Variants in HEXD observed in about 807,000 individuals in gnomAD.
HEXD encodes hexosaminidase D, also known as N-acetyl-beta-galactosaminidase.
In HEXD, 47 loss-of-function variants were observed where a neutral mutation model predicts 54.2. The observed-to-expected ratio is 0.87, with a 90% CI of 0.69 to 1.11. The LOEUF is 1.11. Ranked by LOEUF, HEXD falls within the 50% of genes least tolerant of loss-of-function variation. The probability of loss-of-function intolerance (pLI) is 0.00; values close to 1 mark genes in which losing one functional copy is unlikely to be tolerated. For missense variants in HEXD, 576 were observed against 649.2 expected (o/e 0.89, Z 1.23); for synonymous variants, 293 against 287.6 (o/e 1.02, Z -0.19).
chr17:82,424,462 C>CGAGG lies in HEXD; in HGVS notation c.155_158dup (p.Pro54GlyfsTer16). ...TTGAGTATGAAGACATGTTTCCCTA[C>CGAGG]GAGGGCCCTCTGAGGCTGCTGAGGG... On this transcript the variant is annotated frameshift_variant, in exon 3 of 13. Transcript: ENST00000327949. LOFTEE classifies it high-confidence loss of function. The CGAGG allele has an allele frequency of 6.2e-7, 1 of 1,613,994 alleles. No homozygotes were observed. Among genetic ancestry groups the CGAGG allele is most frequent in the South Asian group, 1.1e-5 (1 of 91,080 alleles).
intron 6 of HEXD, 100 bp downstream of exon 6, chr17:82,435,972 G>T: frequency 8.2e-7 from 1 of 1,219,478 alleles, no homozygotes; most frequent in Non-Finnish European, 1.1e-6. Context: ...CCCAGGGTGA[G>T]CCCCAGCCCC....
chr17:82,419,719 C>G, intron 1 of HEXD, 30 bp from the exon 2 acceptor site: 2 of 829,778 alleles, frequency 2.4e-6, no homozygotes, highest in Non-Finnish European at 4.0e-6. Flanking sequence ...GCTTCTGCCC[C>G]TGTTGATAAC....
intron 4 of HEXD, 116 bp from the exon 5 acceptor site, chr17:82,433,542 T>G: frequency 9.5e-7 from 1 of 1,047,636 alleles, no homozygotes; most frequent in Non-Finnish European, 1.3e-6. Flanking sequence ...TGAGACTCTC[T>G]GCCTGGCCTA....
At chr17:82,433,118 A>ATT (rs2053647125) in intron 4 of HEXD, among the ~76,000 whole-genome samples, 1 of 18,008 alleles carries the variant, frequency 5.6e-5, no homozygotes, top group Admixed American at 7.9e-4. Flanking sequence ...ATATATATAT[A>ATT]TATATATATA....
At chr17:82,426,943 G>A (rs573732995) in intron 3 of HEXD, 1 of 152,326 alleles carries the variant, frequency 6.6e-6, no homozygotes, top group African/African-American at 2.4e-5. Flanking sequence ...AGACCATCCT[G>A]GCTAACACAG....
At position 82,434,059 on chromosome 17, in the gene HEXD, G is replaced by A. The variant is rs932783654; in HGVS notation, c.447+237G>A. Among the ~76,000 whole-genome samples, 1 of 151,996 alleles carries A rather than the reference G, an allele frequency of 6.6e-6. No individual in the cohort carries two copies. Among genetic ancestry groups the A allele is most frequent in the Non-Finnish European group, 1.5e-5 (1 of 67,970 alleles). On this transcript the variant is annotated intron_variant, in intron 5 of 12. Coordinates refer to ENST00000327949, the MANE Select transcript of HEXD (RefSeq NM_001330542.2). This position sits in a 1 kb window ranked among gnomAD's most constrained non-coding sequence, Gnocchi z 4.5. ...CAACATCTTCTCCGGGTGGATGGGC[G>A]GCCTGGCACGGGACAGCCTGCAGAG...
intron 9 of HEXD, chr17:82,440,152 G>T: frequency 7.7e-7 from 1 of 1,292,204 alleles, no homozygotes; most frequent in Non-Finnish European, 1.0e-6. Flanking sequence ...ATGGGCAGGG[G>T]CAGGCACCGG....
At chr17:82,433,128 A>ATTTTTTTT (rs758489285) in intron 4 of HEXD, among the ~76,000 whole-genome samples, 2 of 13,074 alleles carry the variant, frequency 1.5e-4, no homozygotes, top group East Asian at 5.2e-3. Context: ...ATATATATAT[A>ATTTTTTTT]TTTTTTTTTT....
intron 11 of HEXD, 61 bp from the exon 12 acceptor site, chr17:82,441,739 C>T: frequency 3.1e-6 from 4 of 1,309,774 alleles, no homozygotes; most frequent in Non-Finnish European, 4.4e-6. Context: ...TGTATTACTG[C>T]AAAGCCGCCC....
chr17:82,428,907 C>G (rs555091532), intron 4 of HEXD, among the ~76,000 whole-genome samples: 1 of 152,230 alleles, frequency 6.6e-6, no homozygotes, highest in African/African-American at 2.4e-5. Context: ...TCCTTTTTCA[C>G]TTGTATTCAT....
intron 6 of HEXD, among the ~76,000 whole-genome samples, chr17:82,436,456 G>C (rs1200296588): frequency 6.6e-6 from 1 of 152,262 alleles, no homozygotes; most frequent in African/African-American, 2.4e-5. Flanking sequence ...TGGTAGAGCA[G>C]CAGTGGGAGC....
At position 82,442,479 on chromosome 17, in the gene HEXD, C is replaced by A; in HGVS notation, c.*95C>A. On this transcript the variant is annotated 3_prime_UTR_variant, in exon 13 of 13. Coordinates refer to ENST00000327949, the MANE Select transcript of HEXD (RefSeq NM_001330542.2). This position sits in a 1 kb window ranked among gnomAD's most constrained non-coding sequence, Gnocchi z 6.8. ...AATACGGGCCCACGTGGGCGTCGTG[C>A]CCTCTGGCCCAGCAGTGTCTTGCCC... 1 of 1,605,356 alleles carries A rather than the reference C, an allele frequency of 6.2e-7. No individual in the cohort carries two copies. Among genetic ancestry groups the A allele is most frequent in the Non-Finnish European group, 8.5e-7 (1 of 1,173,518 alleles).
chr17:82,418,400 C>G lies in HEXD; in HGVS notation c.-392C>G. 6.8e-7 allele frequency: 1 copy of G among 1,475,552 alleles called. No homozygotes were observed. The allele number at this position is 1,475,552 out of a possible 1,614,324, so 91.4% of individuals were successfully genotyped here. A position where few individuals can be genotyped will look rare whatever the true frequency, so the allele number is the denominator to read the frequency against. On this transcript the variant is annotated 5_prime_UTR_variant, in exon 1 of 13. Transcript: ENST00000327949. ...CCGCCGCAGCGCGCGCCCTTCCCCTCCTCACCGCTACCTGCTCCGGTTCCG... is the reference window on the plus strand; with the variant it reads ...CCGCCGCAGCGCGCGCCCTTCCCCTGCTCACCGCTACCTGCTCCGGTTCCG...
chr17:82,439,829 G>A (rs1337865078), intron 9 of HEXD, 116 bp downstream of exon 9: 1 of 1,577,262 alleles, frequency 6.3e-7, no homozygotes, highest in Non-Finnish European at 8.6e-7. Context: ...GGTCCTCACA[G>A]TCGGAGGATG....
At chr17:82,422,553 C>G (rs964033527) in intron 2 of HEXD, among the ~76,000 whole-genome samples, 5 of 150,920 alleles carry the variant, frequency 3.3e-5, no homozygotes, top group Non-Finnish European at 5.9e-5. Context: ...TAAAAAATTG[C>G]CTGTGGAGCT....
At chr17:82,433,113 TATATATATATA>T (rs2053644670) in intron 4 of HEXD, among the ~76,000 whole-genome samples, 2 of 15,670 alleles carry the variant, frequency 1.3e-4, no homozygotes, top group African/African-American at 3.8e-4. Flanking sequence ...TATATATATA[TATATATATATA>T]TATATTTTTT....
At chr17:82,441,364 A>AG (rs2053953456) in intron 11 of HEXD, 98 bp downstream of exon 11, 1 of 978,126 alleles carries the variant, frequency 1.0e-6, no homozygotes, top group Admixed American at 4.5e-5. Flanking sequence ...GGTGCGGGTG[A>AG]GGGGCAGGTG....
Position 82,441,197 on chromosome 17 carries a change from T to A in HEXD, c.1094T>A (p.Ile365Asn). ...GCCGGCTCCTTCCCTGGCAGCAACA[T>A]CCTTGCCCTTGTCACACAAGTCAGC... ...EGAGSFPGSN[I>N]LALVTQVSLH... Residue 365 changes from isoleucine (I) to asparagine (N), a missense_variant, in exon 11 of 13, where the codon ATC (isoleucine) becomes AAC (asparagine). Coordinates refer to ENST00000327949, the MANE Select transcript of HEXD (RefSeq NM_001330542.2). The A allele has an allele frequency of 1.2e-6, 2 of 1,613,038 alleles. No individual in the cohort carries two copies. The highest frequency in any genetic ancestry group is 1.7e-6 in the Non-Finnish European group (2 of 1,179,956).
In HEXD at chr17:82,441,977, G is replaced by A. The variant is rs1028624847; in HGVS notation, c.1253+88G>A. On this transcript the variant is annotated intron_variant, in intron 12 of 12. Coordinates refer to ENST00000327949, the MANE Select transcript of HEXD (RefSeq NM_001330542.2). ...TGACATGTCCCTCAACTAGAGAGCAGAGGGTGAGCCCCTAGTTGTAAAAGG... is the reference window on the plus strand; with the variant it reads ...TGACATGTCCCTCAACTAGAGAGCAAAGGGTGAGCCCCTAGTTGTAAAAGG... 7 of 1,418,396 alleles carry A rather than the reference G, an allele frequency of 4.9e-6. No individual in the cohort carries two copies. The Admixed American group carries it at 5.0e-5, about 10-fold the overall frequency. 87.9% of individuals were successfully genotyped at this position (1,418,396 alleles called of 1,614,324 possible). A position where few individuals can be genotyped will look rare whatever the true frequency, so the allele number is the denominator to read the frequency against.
Sources: allele counts gnomAD v4.1 joint callset (sites outside exome capture counted in the v4.1 genomes callset), GRCh38; gene constraint gnomAD v4.1.1; non-coding constraint Gnocchi (gnomAD v3.1); transcripts MANE v1.5; gene names NCBI Gene and HGNC (gene_info 2026-07-23, HGNC 2026-07-21).